The following EIF2B5 variants were observed in gnomAD, a reference collection of about 807,000 sequenced individuals.
EIF2B5 encodes translation initiation factor eIF2B subunit epsilon.
A neutral mutation model predicts 87.3 loss-of-function variants in EIF2B5; 38 were observed. The ratio of observed to expected loss-of-function variants is 0.44; its 90% CI spans 0.34 to 0.57. EIF2B5 has a LOEUF of 0.57. Among genes scored for constraint, EIF2B5 ranks in the 20% least tolerant of loss-of-function variants. The probability of loss-of-function intolerance (pLI) is 0.02; values close to 1 mark genes in which losing one functional copy is unlikely to be tolerated. For synonymous variants in EIF2B5, 313 were observed against 339.6 expected, an observed-to-expected ratio of 0.92 and a Z score of 0.86; for missense variants, 784 against 909.5, an observed-to-expected ratio of 0.86 and a Z score of 1.78.
chr3:184,142,828 T>G lies in EIF2B5; in HGVS notation c.1596T>G (p.Ser532Arg), dbSNP rs1713700221. The change falls in exon 11 of 16, where the codon AGT (serine) becomes AGG (arginine). Residue 532 changes from serine (S) to arginine (R), a missense_variant. By Grantham distance (110) the Ser-to-Arg change is moderately radical. Transcript: ENST00000648915. This position sits in a 1 kb window ranked among gnomAD's most constrained non-coding sequence, Gnocchi z 5.0. ...AGAGTGAAAGTGAAAGTGAGCAAAG[T>G]ATGGATTCTGAGGAGCCGGACAGCC... is the stretch of plus-strand genomic sequence containing the variant. ...EEESESESEQ[S>R]MDSEEPDSRG... The G allele has an allele frequency of 6.2e-7, 1 of 1,613,996 alleles. No homozygotes were observed. Among genetic ancestry groups the G allele is most frequent in the Non-Finnish European group, 8.5e-7 (1 of 1,180,004 alleles).
intron 13 of EIF2B5, 48 bp from the exon 14 acceptor site, chr3:184,144,051 T>C: frequency 6.2e-7 from 1 of 1,614,044 alleles, no homozygotes; most frequent in Non-Finnish European, 8.5e-7. Context: ...TGTCCAGGTA[T>C]AGGTGAATGC....
chr3:184,141,403 C>T (rs1713628729), intron 7 of EIF2B5, among the ~76,000 whole-genome samples: 1 of 152,084 alleles, frequency 6.6e-6, no homozygotes, highest in Non-Finnish European at 1.5e-5. Flanking sequence ...ACCCCTTCTC[C>T]ACAAATGATA....
In EIF2B5 at chr3:184,142,915, C is replaced by A; in HGVS notation, c.1654+29C>A. On this transcript the variant is annotated intron_variant, in intron 11 of 15. Coordinates refer to ENST00000648915, the MANE Select transcript of EIF2B5 (RefSeq NM_003907.3). The surrounding 1 kb of genome is among the most constrained non-coding windows in gnomAD (Gnocchi z 5.0). ...AGTGGCAGGGGAGAAATGCGCTGGA[C>A]CAGTTTATTCTCTGCCTGGATCAAC... 4 of 1,596,558 alleles carry A rather than the reference C, an allele frequency of 2.5e-6. No homozygotes were observed. The highest frequency in any genetic ancestry group is 3.4e-6 in the Non-Finnish European group (4 of 1,168,000).
chr3:184,137,145 C>T, intron 2 of EIF2B5: 1 of 341,862 alleles, frequency 2.9e-6, no homozygotes, highest in Non-Finnish European at 5.5e-6. Flanking sequence ...TAGCTCAGTC[C>T]CAAGCATATA....
chr3:184,138,923 A>G, intron 5 of EIF2B5: 1 of 282,334 alleles, frequency 3.5e-6, no homozygotes, highest in Non-Finnish European at 7.1e-6. Context: ...CAGCCTTCCA[A>G]AATGCTGGGA....
intron 14 of EIF2B5, 116 bp from the exon 15 acceptor site, chr3:184,144,481 C>T: frequency 1.9e-6 from 2 of 1,079,806 alleles, no homozygotes; most frequent in East Asian, 2.5e-5. Context: ...GCGAACAGCT[C>T]ACTCTTGTCC....
rs1192304635 is a variant in EIF2B5 at position 184,135,436 on chromosome 3, C to A, written c.51C>A (p.Asn17Lys). Residue 17 changes from asparagine (N) to lysine (K), a missense_variant, in exon 1 of 16, where the codon AAC (asparagine) becomes AAA (lysine). Asn to Lys is a moderately conservative substitution (Grantham distance 94). This residue lies in a region of EIF2B5 where 117 missense variants were observed against 101.0 expected (regional missense o/e 1.16). Coordinates refer to ENST00000648915, the MANE Select transcript of EIF2B5 (RefSeq NM_003907.3). ...APPGVVVSRA[N>K]KRSGAGPGGS... ...CTGGTGTGGTGGTTAGTCGGGCTAA[C>A]AAGCGCAGCGGCGCGGGGCCGGGAG... The A allele has an allele frequency of 1.9e-6, 3 of 1,582,376 alleles. No individual in the cohort carries two copies. In the Admixed American group the frequency reaches 5.6e-5, roughly 30 times the overall value.
chr3:184,137,887 G>A lies in EIF2B5; in HGVS notation c.507-11G>A, dbSNP rs554801053. 1 of 1,614,180 alleles carries A rather than the reference G, an allele frequency of 6.2e-7. No individual in the cohort carries two copies. Among genetic ancestry groups the A allele is most frequent in the South Asian group, 1.1e-5 (1 of 91,072 alleles). Reference sequence around the variant, plus strand: ...GCTTTTTTGCAGTTCTGTCCCTCCTGTCCTTTATAGGTTGAGACGGAAGCT... The same window carrying A: ...GCTTTTTTGCAGTTCTGTCCCTCCTATCCTTTATAGGTTGAGACGGAAGCT... On this transcript the variant is annotated splice_polypyrimidine_tract_variant and intron_variant, in intron 3 of 15. Transcript: ENST00000648915.
At chr3:184,143,940 C>T in intron 13 of EIF2B5, 159 bp from the exon 14 acceptor site, 1 of 1,183,616 alleles carries the variant, frequency 8.4e-7, no homozygotes, top group Non-Finnish European at 1.2e-6. Flanking sequence ...CTCTTTTTCC[C>T]AAACCCTGTC....
intron 12 of EIF2B5, 96 bp downstream of exon 12, chr3:184,143,238 C>T (rs1314700184): frequency 1.7e-5 from 25 of 1,490,436 alleles, no homozygotes; most frequent in Admixed American, 1.3e-4. Context: ...CCTATTCCTT[C>T]GACATCCCAA....
chr3:184,142,855 G>A lies in EIF2B5; in HGVS notation c.1623G>A (p.Arg541=), dbSNP rs757352773. The A allele has an allele frequency of 8.1e-6, 13 of 1,614,050 alleles. 1 individual carries two copies. The South Asian group carries it at 1.4e-4, about 18-fold the overall frequency. Residue 541 remains arginine (R), a synonymous_variant, in exon 11 of 16, where the codon CGG becomes CGA. Transcript: ENST00000648915. The surrounding 1 kb of genome is among the most constrained non-coding windows in gnomAD (Gnocchi z 5.0). Reference sequence around the variant, plus strand: ...TGGATTCTGAGGAGCCGGACAGCCGGGGAGGCTCCCCTCAGATGGATGACA... The same window carrying A: ...TGGATTCTGAGGAGCCGGACAGCCGAGGAGGCTCCCCTCAGATGGATGACA... ...QSMDSEEPDS[R]GGSPQMDDIK...
chr3:184,136,518 G>A, intron 1 of EIF2B5, 94 bp from the exon 2 acceptor site: 2 of 1,516,404 alleles, frequency 1.3e-6, no homozygotes, highest in Non-Finnish European at 1.8e-6. Flanking sequence ...AAATTACACT[G>A]TTTGGAAATA....
In EIF2B5 at chr3:184,145,033, T is replaced by C. The variant is rs925012204; in HGVS notation, c.*90T>C. The stretch of plus-strand genomic sequence containing the variant: ...GAGGAACTAGCTGCAGAGGGATGAG[T>C]GACCACCATCCAGGCTGAGACTGAA... On this transcript the variant is annotated 3_prime_UTR_variant, in exon 16 of 16. Transcript: ENST00000648915. This position sits in a 1 kb window ranked among gnomAD's most constrained non-coding sequence, Gnocchi z 4.0. The C allele has an allele frequency of 2.3e-4, 269 of 1,177,674 alleles. 2 individuals carry two copies. In the East Asian group the frequency reaches 3.6e-3, roughly 16 times the overall value. 73.0% of individuals were successfully genotyped at this position (1,177,674 alleles called of 1,614,324 possible).
chr3:184,136,028 G>A, intron 1 of EIF2B5: 1 of 223,390 alleles, frequency 4.5e-6, no homozygotes, highest in Non-Finnish European at 9.0e-6. Flanking sequence ...AATGATAGCC[G>A]GTGCTATCTG....
Position 184,142,975 on chromosome 3 carries a change from G to C in EIF2B5, c.1655-77G>C. 6.4e-7 allele frequency: 1 copy of C among 1,572,756 alleles called. No individual in the cohort carries two copies. Among genetic ancestry groups the C allele is most frequent in the South Asian group, 1.1e-5 (1 of 88,154 alleles). ...GCTTACGTTCCTCAGAAAGGGTTTG[G>C]TATCGAGTCAAGACTAGATGACTTA... On this transcript the variant is annotated intron_variant, in intron 11 of 15. Transcript: ENST00000648915. The surrounding 1 kb of genome is among the most constrained non-coding windows in gnomAD (Gnocchi z 5.0).
At position 184,135,578 on chromosome 3, in the gene EIF2B5, C is replaced by T. The variant is rs1309806154; in HGVS notation, c.193C>T (p.Arg65Trp). Residue 65 changes from arginine (R) to tryptophan (W), a missense_variant and splice_region_variant, in exon 1 of 16, where the codon CGG (arginine) becomes TGG (tryptophan). Transcript: ENST00000648915. ...RFFPISKDQP[R>W]VLLPLANVAL... ...CTTCCCCATCTCCAAGGACCAGCCT[C>T]GGGTGAGCGCCGCGCACGCGAGCAG... 6 of 1,584,360 alleles carry T rather than the reference C, an allele frequency of 3.8e-6. No homozygotes were observed. The highest frequency in any genetic ancestry group is 5.1e-6 in the Non-Finnish European group (6 of 1,166,766).
intron 5 of EIF2B5, 64 bp from the exon 6 acceptor site, chr3:184,140,016 T>G: frequency 7.6e-7 from 1 of 1,311,976 alleles, no homozygotes; most frequent in Non-Finnish European, 1.1e-6. Context: ...GAGCTAGACT[T>G]GTCTCAAAAA....
At position 184,143,309 on chromosome 3, in the gene EIF2B5, G is replaced by A. The variant is rs181802390; in HGVS notation, c.1746-133G>A. 225 of 1,527,472 alleles carry A rather than the reference G, an allele frequency of 1.5e-4. 1 individual carries two copies. In the African/African-American group the frequency reaches 2.9e-3, roughly 20 times the overall value. 94.6% of individuals were successfully genotyped at this position (1,527,472 alleles called of 1,614,324 possible). Reference sequence around the variant, plus strand: ...ATTATTAAGTTCTAGCCTCAGCATAGACTTTCTCCTTCCTAAACCCTCCCC... The same window carrying A: ...ATTATTAAGTTCTAGCCTCAGCATAAACTTTCTCCTTCCTAAACCCTCCCC... On this transcript the variant is annotated intron_variant, in intron 12 of 15. Coordinates refer to ENST00000648915, the MANE Select transcript of EIF2B5 (RefSeq NM_003907.3).
chr3:184,135,939 CT>C, intron 1 of EIF2B5: 1 of 324,392 alleles, frequency 3.1e-6, no homozygotes, highest in South Asian at 3.9e-5. Flanking sequence ...GACCTTTTGC[CT>C]CTGAAAGGGC....
Sources: gnomAD v4.1 joint callset for allele counts (sites outside exome capture counted in the v4.1 genomes callset) on GRCh38, gnomAD v4.1.1 for gene constraint, gnomAD v4.1.1 regional missense constraint, Gnocchi (gnomAD v3.1) non-coding constraint, MANE v1.5 for transcripts, NCBI Gene and HGNC (gene_info 2026-07-23, HGNC 2026-07-21) for gene names.